RIMKLB: variants seen among roughly 807,000 people sequenced by gnomAD.
RIMKLB encodes beta-citrylglutamate synthase B.
A neutral mutation model predicts 32.0 loss-of-function variants in RIMKLB; 7 were observed. The ratio of observed to expected loss-of-function variants is 0.22; its 90% CI spans 0.12 to 0.41. RIMKLB has a LOEUF of 0.41. RIMKLB is among the 10% of genes least tolerant of loss of function. The pLI is 1.00. For synonymous variants in RIMKLB, 172 were observed against 185.1 expected, an observed-to-expected ratio of 0.93 and a Z score of 0.57; for missense variants, 289 against 498.7, an observed-to-expected ratio of 0.58 and a Z score of 4.00.
chr12:8,774,742 G>A lies in RIMKLB; in HGVS notation c.*958G>A. On this transcript the variant is annotated 3_prime_UTR_variant, in exon 6 of 6. Coordinates refer to ENST00000535829, the MANE Select transcript of RIMKLB (RefSeq NM_001297776.2). ...TTTCCCTTTTTGTTTTGGTAGTTGG[G>A]CATTTAAATAAGGACAAGGAAAAAT... The A allele has an allele frequency of 1.0e-6, 1 of 985,432 alleles. No individual in the cohort carries two copies. The highest frequency in any genetic ancestry group is 1.2e-6 in the Non-Finnish European group (1 of 829,798). The allele number at this position is 985,432 out of a possible 1,614,324, so 61.0% of individuals were successfully genotyped here. A position where few individuals can be genotyped will look rare whatever the true frequency, so the allele number is the denominator to read the frequency against.
chr12:8,742,109 A>C (rs1444756432), intron 2 of RIMKLB, among the ~76,000 whole-genome samples: 1 of 151,526 alleles, frequency 6.6e-6, no homozygotes, highest in Non-Finnish European at 1.5e-5. Flanking sequence ...CATGTTGGCC[A>C]GGCTAGTCTC....
chr12:8,717,049 G>A (rs1265789168), intron 2 of RIMKLB, among the ~76,000 whole-genome samples: 1 of 148,366 alleles, frequency 6.7e-6, no homozygotes, highest in African/African-American at 2.5e-5. Context: ...ATTTCTAGGA[G>A]GGTTTTTCTT....
chr12:8,780,547 ACT>A (rs746134039), downstream of RIMKLB: 97 of 152,358 alleles, frequency 6.4e-4, no homozygotes, highest in African/African-American at 2.2e-3. Flanking sequence ...GTAAGCAAGA[ACT>A]TTTTCTATAT....
chr12:8,683,220 A>G (rs1021795414), intron 1 of RIMKLB, among the ~76,000 whole-genome samples: 2 of 152,232 alleles, frequency 1.3e-5, no homozygotes, highest in African/African-American at 4.8e-5. Flanking sequence ...TGCTATAAAC[A>G]TTCATGTGCA....
intron 1 of RIMKLB, among the ~76,000 whole-genome samples, chr12:8,708,942 A>G (rs1199100895): frequency 6.6e-6 from 1 of 152,198 alleles, no homozygotes; most frequent in Admixed American, 6.5e-5. Context: ...TTTATTCAGC[A>G]TCTGATATTT....
chr12:8,709,565 A>G (rs12307610), intron 1 of RIMKLB, among the ~76,000 whole-genome samples: 10,849 of 152,254 alleles, frequency 0.071, 1,259 homozygotes, highest in African/African-American at 0.24. Flanking sequence ...CTAAGAAGGC[A>G]AGCAGCTGTT....
intron 1 of RIMKLB, chr12:8,713,602 T>G (rs1944556343): frequency 2.4e-6 from 1 of 409,844 alleles, no homozygotes; most frequent in Admixed American, 4.0e-5. Context: ...CAAGGAAAAA[T>G]GGAGAAATCA....
chr12:8,782,158 G>C (rs1011989879), downstream of RIMKLB, among the ~76,000 whole-genome samples: 1 of 151,822 alleles, frequency 6.6e-6, no homozygotes, highest in Non-Finnish European at 1.5e-5. Context: ...GTTTTAATCT[G>C]AATCAAAAAT....
At chr12:8,706,864 T>TA (rs1943926172) in intron 1 of RIMKLB, among the ~76,000 whole-genome samples, 1 of 152,072 alleles carries the variant, frequency 6.6e-6, no homozygotes, top group South Asian at 2.1e-4. Context: ...GAGAAAGAAA[T>TA]ATCTAGTGGG....
chr12:8,696,119 G>T (rs1399560907), upstream of RIMKLB, among the ~76,000 whole-genome samples: 1 of 152,048 alleles, frequency 6.6e-6, no homozygotes, highest in East Asian at 1.9e-4. Flanking sequence ...CTTAAGAGTG[G>T]GACTGAAGGA....
intron 1 of RIMKLB, among the ~76,000 whole-genome samples, chr12:8,682,727 G>C (rs1034487003): frequency 2.0e-5 from 3 of 150,214 alleles, no homozygotes; most frequent in Non-Finnish European, 4.4e-5. Context: ...AGCCGAGATC[G>C]CGCCACTGCA....
chr12:8,777,123 T>C lies in RIMKLB; in HGVS notation c.*3339T>C, dbSNP rs1280692347. ...TTTTATTTGTTTGTTTGTTCAATTT[T>C]ATTTAAGATTTGTTTTTGTTGTACT... On this transcript the variant is annotated 3_prime_UTR_variant, in exon 6 of 6. Coordinates refer to ENST00000535829, the MANE Select transcript of RIMKLB (RefSeq NM_001297776.2). 2 of 985,484 alleles carry C rather than the reference T, an allele frequency of 2.0e-6. No homozygotes were observed. The highest frequency in any genetic ancestry group is 6.2e-5 in the Admixed American group (1 of 16,234). 61.0% of individuals were successfully genotyped at this position (985,484 alleles called of 1,614,324 possible).
chr12:8,709,243 G>T (rs1944161661), intron 1 of RIMKLB, among the ~76,000 whole-genome samples: 1 of 152,150 alleles, frequency 6.6e-6, no homozygotes, highest in Admixed American at 6.5e-5. Context: ...TTAAGATTCT[G>T]GATCATTAGC....
At chr12:8,706,964 G>T (rs1194179182) in intron 1 of RIMKLB, among the ~76,000 whole-genome samples, 1 of 152,120 alleles carries the variant, frequency 6.6e-6, no homozygotes, top group Non-Finnish European at 1.5e-5. Context: ...AAACTCGGGG[G>T]ATCATATGCA....
downstream of RIMKLB, among the ~76,000 whole-genome samples, chr12:8,782,132 AAAATGATAAACT>A (rs1298632048): frequency 2.3e-5 from 3 of 133,100 alleles, no homozygotes; most frequent in African/African-American, 8.0e-5. Flanking sequence ...GAACTGAAAG[AAAATGATAAACT>A]TGAGTTTTAA....
At chr12:8,668,817 T>C in the RIMKLB span, 2 of 152,124 alleles carry the variant, frequency 1.3e-5, no homozygotes, top group African/African-American at 4.8e-5. Context: ...CCTTATGAGA[T>C]ACCCTGAGCC....
At chr12:8,726,854 TTTCTC>T (rs929678384) in intron 2 of RIMKLB, among the ~76,000 whole-genome samples, 1 of 152,232 alleles carries the variant, frequency 6.6e-6, no homozygotes, top group Non-Finnish European at 1.5e-5. Context: ...TTGTTACTGT[TTTCTC>T]TTTGTTACCC....
intron 5 of RIMKLB, among the ~76,000 whole-genome samples, chr12:8,761,937 C>A (rs775643451): frequency 8.5e-5 from 13 of 152,226 alleles, no homozygotes; most frequent in African/African-American, 3.1e-4. Context: ...AGATCTTAGT[C>A]ATGGACTGCA....
chr12:8,688,828 T>G (rs1334734192), intron 1 of RIMKLB, among the ~76,000 whole-genome samples: 1 of 152,042 alleles, frequency 6.6e-6, no homozygotes. Context: ...CATGACGTAT[T>G]TCTTTCTTTC....
Sources: gnomAD v4.1 joint callset for allele counts (sites outside exome capture counted in the v4.1 genomes callset) on GRCh38, gnomAD v4.1.1 for gene constraint, MANE v1.5 for transcripts, NCBI Gene and HGNC (gene_info 2026-07-23, HGNC 2026-07-21) for gene names.